MCM3: variants seen among roughly 807,000 people sequenced by gnomAD.
MCM3 encodes minichromosome maintenance complex component 3.
In MCM3, 59 loss-of-function variants were observed where a neutral mutation model predicts 91.3. That is an observed-to-expected ratio of 0.65 (90% CI 0.52 to 0.80). The LOEUF (loss-of-function observed/expected upper bound fraction) is 0.80, where lower values mean the gene tolerates loss of function less well. MCM3 is among the 30% of genes least tolerant of loss of function. The pLI is 0.00. For missense variants in MCM3, 919 were observed against 1,035.4 expected, an observed-to-expected ratio of 0.89 and a Z score of 1.54; for synonymous variants, 383 against 379.6, an observed-to-expected ratio of 1.01 and a Z score of -0.10.
At chr6:52,275,729 A>C (rs894845238) in intron 9 of MCM3, among the ~76,000 whole-genome samples, 2 of 152,208 alleles carry the variant, frequency 1.3e-5, no homozygotes, top group African/African-American at 4.8e-5. Context: ...CTAGAAATCT[A>C]TTTTTTTAAA....
At chr6:52,266,505 G>A (rs1764651876) in intron 15 of MCM3, 106 bp downstream of exon 15, 2 of 1,015,888 alleles carry the variant, frequency 2.0e-6, no homozygotes, top group South Asian at 2.8e-5. Flanking sequence ...CCCAAGCAGG[G>A]AGCCAAACAA....
chr6:52,269,039 T>C (rs1402056272), intron 13 of MCM3, 47 bp downstream of exon 13: 2 of 1,578,036 alleles, frequency 1.3e-6, no homozygotes, highest in Admixed American at 1.7e-5. Flanking sequence ...CATGCATCTG[T>C]AATATATCCA....
At chr6:52,274,033 C>A in intron 9 of MCM3, 117 bp from the exon 10 acceptor site, 3 of 721,970 alleles carry the variant, frequency 4.2e-6, no homozygotes, top group Non-Finnish European at 4.5e-6. Context: ...GCAAAACAGA[C>A]AAAAAGCAGT....
At chr6:52,273,463 G>T (rs931880191) in intron 10 of MCM3, 107 bp from the exon 11 acceptor site, 5 of 1,193,822 alleles carry the variant, frequency 4.2e-6, no homozygotes, top group Non-Finnish European at 5.9e-6. Flanking sequence ...CATAAAGAAA[G>T]GGCCCAAAAA....
intron 2 of MCM3, 69 bp from the exon 3 acceptor site, chr6:52,282,930 A>G: frequency 9.5e-7 from 1 of 1,055,610 alleles, no homozygotes; most frequent in Non-Finnish European, 1.4e-6. Flanking sequence ...TCAAAACAGC[A>G]GACATTCTTA....
chr6:52,268,891 G>C (rs1764862567), intron 13 of MCM3, among the ~76,000 whole-genome samples, 195 bp downstream of exon 13: 1 of 152,206 alleles, frequency 6.6e-6, no homozygotes, highest in Admixed American at 6.5e-5. Context: ...CTTTCCATCT[G>C]ATTCTCTGGT....
chr6:52,283,667 T>G (rs9474192), intron 1 of MCM3, among the ~76,000 whole-genome samples: 53,150 of 152,148 alleles, frequency 0.35, 9,488 homozygotes, highest in East Asian at 0.45. Context: ...CTTTTCTGCA[T>G]GCTGTAATTT....
intron 11 of MCM3, 137 bp from the exon 12 acceptor site, chr6:52,272,588 A>T: frequency 2.6e-6 from 2 of 762,306 alleles, no homozygotes; most frequent in Admixed American, 5.9e-5. Flanking sequence ...TATATGGAAC[A>T]TAGACAAGAC....
intron 16 of MCM3, chr6:52,265,115 A>G: frequency 8.0e-6 from 3 of 376,382 alleles, no homozygotes; most frequent in South Asian, 7.1e-5. Context: ...CTAGGAACTC[A>G]CCTTATAGCT....
chr6:52,280,173 C>A (rs964413829), intron 4 of MCM3, among the ~76,000 whole-genome samples: 12 of 152,138 alleles, frequency 7.9e-5, no homozygotes, highest in Non-Finnish European at 1.6e-4. Context: ...TGTTAGACAT[C>A]AGGATAGTGG....
Position 52,272,362 on chromosome 6 carries a change from T to C in MCM3, c.1766A>G (p.Tyr589Cys). 6.2e-7 allele frequency: 1 copy of C among 1,614,194 alleles called. No homozygotes were observed. The highest frequency in any genetic ancestry group is 8.5e-7 in the Non-Finnish European group (1 of 1,180,022). Residue 589 changes from tyrosine to cysteine, a missense_variant, in exon 12 of 17, where the codon TAC (tyrosine) becomes TGC (cysteine). By Grantham distance (194) the Tyr-to-Cys change is radical. Coordinates refer to ENST00000596288, the MANE Select transcript of MCM3 (RefSeq NM_002388.6). The part of the protein sequence containing the change: ...KPVLTQESAT[Y>C]IAEEYSRLRS... The stretch of plus-strand genomic sequence containing the variant: ...CAGGCGTGAATACTCTTCTGCAATG[T>C]AGGTGGCCGACTCCTGTGTCAGGAC...
chr6:52,279,246 A>G, intron 5 of MCM3, 115 bp downstream of exon 5: 1 of 830,274 alleles, frequency 1.2e-6, no homozygotes, highest in South Asian at 1.6e-5. Flanking sequence ...CCAGGCAGGT[A>G]GAGTGCTCCA....
In MCM3 at chr6:52,273,781, T is replaced by C; in HGVS notation, c.1510A>G (p.Met504Val). 1 of 1,613,764 alleles carries C rather than the reference T, an allele frequency of 6.2e-7. No homozygotes were observed. Reference sequence around the variant, plus strand: ...TCCCCAGGTGCTCTGTAACGGTGCATCCGAAGGACATGGTCTGAGATCTCC... The same window carrying C: ...TCCCCAGGTGCTCTGTAACGGTGCACCCGAAGGACATGGTCTGAGATCTCC... ...DREISDHVLR[M>V]HRYRAPGEQD... Residue 504 changes from methionine to valine, a missense_variant, in exon 10 of 17, where the codon ATG becomes GTG. Physicochemically the swap from Met to Val is conservative, Grantham distance 21. This residue lies in a region of MCM3 where 233 missense variants were observed against 321.2 expected (regional missense o/e 0.73). Coordinates refer to ENST00000596288, the MANE Select transcript of MCM3 (RefSeq NM_002388.6).
chr6:52,270,581 T>TA (rs746825734), intron 12 of MCM3, among the ~76,000 whole-genome samples: 21 of 152,302 alleles, frequency 1.4e-4, no homozygotes, highest in Non-Finnish European at 2.4e-4. Context: ...TTCTAATTCT[T>TA]AAACCACCTA....
chr6:52,272,277 G>A, intron 12 of MCM3, 24 bp downstream of exon 12: 1 of 1,610,136 alleles, frequency 6.2e-7, no homozygotes, highest in South Asian at 1.1e-5. Context: ...GGGACCCCAA[G>A]CCTAGGCTCC....
intron 11 of MCM3, among the ~76,000 whole-genome samples, chr6:52,272,724 T>C (rs534400697): frequency 5.9e-5 from 9 of 152,352 alleles, no homozygotes; most frequent in Non-Finnish European, 7.4e-5. Context: ...GAAGCTCAAG[T>C]TGACTAAAAG....
intron 14 of MCM3, among the ~76,000 whole-genome samples, chr6:52,267,554 A>C (rs1440725579): frequency 1.2e-4 from 13 of 112,330 alleles, no homozygotes; most frequent in East Asian, 2.7e-4. Flanking sequence ...TTGAGATGGG[A>C]TCTCTCTCTG....
intron 9 of MCM3, among the ~76,000 whole-genome samples, chr6:52,274,690 G>GAAAA (rs35200263): frequency 8.1e-6 from 1 of 123,900 alleles, no homozygotes; most frequent in Admixed American, 8.4e-5. Context: ...CTATGTCTCA[G>GAAAA]AAAAAAAAAA....
rs1766321355 is a variant in MCM3, at chr6:52,283,365, G to C, written c.120C>G (p.Ile40Met). 1 of 1,614,186 alleles carries C rather than the reference G, an allele frequency of 6.2e-7. No individual in the cohort carries two copies. Among genetic ancestry groups the C allele is most frequent in the African/African-American group, 1.3e-5 (1 of 75,052 alleles). Residue 40 changes from isoleucine to methionine, a missense_variant, in exon 2 of 17, where the codon ATC becomes ATG. By Grantham distance (10) the Ile-to-Met change is conservative. Transcript: ENST00000596288. ...GIYQSKVREL[I>M]SDNQYRLIVN... Reference sequence around the variant, plus strand: ...CAATCAGCCGGTATTGGTTGTCACTGATCAGCTCCCGAACTTTGCTCTGAT... The same window carrying C: ...CAATCAGCCGGTATTGGTTGTCACTCATCAGCTCCCGAACTTTGCTCTGAT...
Sources: gnomAD v4.1 joint callset for allele counts (sites outside exome capture counted in the v4.1 genomes callset) on GRCh38, gnomAD v4.1.1 for gene constraint, gnomAD v4.1.1 regional missense constraint, MANE v1.5 for transcripts, NCBI Gene and HGNC (gene_info 2026-07-23, HGNC 2026-07-21) for gene names.